KIAA1328: variants seen among roughly 807,000 people sequenced by gnomAD.
KIAA1328 encodes KIAA1328.
Under a neutral mutation model 68.1 loss-of-function variants are expected in KIAA1328, and 52 were observed. The observed-to-expected ratio is 0.76, with a 90% CI of 0.61 to 0.96. KIAA1328 has a LOEUF of 0.96. KIAA1328 is among the 40% of genes least tolerant of loss of function. KIAA1328 has a pLI of 0.00. For synonymous variants in KIAA1328, 232 were observed against 239.4 expected (o/e 0.97, Z 0.28); for missense variants, 641 against 677.6 (o/e 0.95, Z 0.60).
intron 6 of KIAA1328, among the ~76,000 whole-genome samples, chr18:37,056,451 T>C (rs2151688338): frequency 6.6e-6 from 1 of 152,270 alleles, no homozygotes; most frequent in East Asian, 1.9e-4. Context: ...GTCATTAGTT[T>C]CTTTTATCTA....
At chr18:37,137,921 C>T (rs191361298) in intron 7 of KIAA1328, among the ~76,000 whole-genome samples, 6 of 152,242 alleles carry the variant, frequency 3.9e-5, no homozygotes, top group East Asian at 3.9e-4. Context: ...GTGATTTACA[C>T]ATCCCTCAAA....
chr18:37,154,937 T>C (rs544285376), intron 7 of KIAA1328, among the ~76,000 whole-genome samples: 3 of 152,306 alleles, frequency 2.0e-5, no homozygotes, highest in Admixed American at 2.0e-4. Context: ...TACATTAATA[T>C]ATTTATTTCC....
In KIAA1328 at chr18:37,121,251, G is replaced by A. The variant is rs147234971; in HGVS notation, c.1233-38949G>A. 4.9e-4 allele frequency among the ~76,000 whole-genome samples: 74 copies of A among 152,182 alleles called. 1 individual carries two copies. The East Asian group carries it at 0.014, about 28-fold the overall frequency. On this transcript the variant is annotated intron_variant, in intron 7 of 9. Coordinates refer to ENST00000280020, the MANE Select transcript of KIAA1328 (RefSeq NM_020776.3). ...ATATATCCAACCATTTGAAAAACAC[G>A]AAAACGGCAAAGAAAATTTCTAAGT...
At chr18:37,040,031 C>T (rs183953390) in intron 6 of KIAA1328, among the ~76,000 whole-genome samples, 11 of 152,294 alleles carry the variant, frequency 7.2e-5, no homozygotes, top group Admixed American at 7.2e-4. Flanking sequence ...CATTTCTCTA[C>T]ACCTGGCCCC....
intron 4 of KIAA1328, among the ~76,000 whole-genome samples, chr18:36,855,802 TTA>T (rs1216200944): frequency 6.6e-6 from 1 of 151,852 alleles, no homozygotes; most frequent in Non-Finnish European, 1.5e-5. Flanking sequence ...TATTTAACTA[TTA>T]TATTTTAACT....
intron 6 of KIAA1328, among the ~76,000 whole-genome samples, chr18:36,982,155 A>T (rs986860416): frequency 1.4e-5 from 2 of 141,288 alleles, no homozygotes; most frequent in African/African-American, 2.6e-5. Flanking sequence ...AAATATATAT[A>T]ATATATATAT....
intron 1 of KIAA1328, chr18:36,829,412 C>T (rs773618841): frequency 7.5e-7 from 1 of 1,339,988 alleles, no homozygotes; most frequent in Non-Finnish European, 9.5e-7. Context: ...GGGGACACGG[C>T]TCAGATGCTT....
chr18:37,230,539 A>C (rs1052785420), downstream of KIAA1328: 1 of 152,198 alleles, frequency 6.6e-6, no homozygotes, highest in Non-Finnish European at 1.5e-5. Context: ...AAAAGATATC[A>C]GTCTTATTCA....
chr18:36,844,449 G>A (rs973811297), intron 4 of KIAA1328, 147 bp downstream of exon 4: 60 of 484,356 alleles, frequency 1.2e-4, no homozygotes, highest in Non-Finnish European at 1.3e-4. Flanking sequence ...TGTGATGTCA[G>A]AATCCTCTCA....
In KIAA1328 at chr18:37,222,082, G is replaced by A. The variant is rs200541716; in HGVS notation, c.1589G>A (p.Arg530His). ...LSPNSAPKPQRYPSREAGAWN... is the reference protein window; with the variant it reads ...LSPNSAPKPQHYPSREAGAWN... ...CCAAACTCTGCGCCCAAACCTCAGCGCTATCCCTCCAGAGAAGCTGGGGCC... is the reference window on the plus strand; with the variant it reads ...CCAAACTCTGCGCCCAAACCTCAGCACTATCCCTCCAGAGAAGCTGGGGCC... Residue 530 changes from arginine (R) to histidine (H), a missense_variant, in exon 10 of 10, where the codon CGC becomes CAC. Arg to His is a conservative substitution (Grantham distance 29, BLOSUM62 0). Coordinates refer to ENST00000280020, the MANE Select transcript of KIAA1328 (RefSeq NM_020776.3). 164 of 1,613,672 alleles carry A rather than the reference G, an allele frequency of 1.0e-4. 1 individual carries two copies. In the South Asian group the frequency reaches 1.4e-3, roughly 13 times the overall value.
In KIAA1328 at chr18:37,214,417, C is replaced by G. The variant is rs1450662204; in HGVS notation, c.1524-7600C>G. ...TTTATTAAATAGGGAATCCTTTCCC[C>G]ATTTCTTGTTTTTGTCAGGTTTGTC... On this transcript the variant is annotated intron_variant, in intron 9 of 9. Transcript: ENST00000280020. 3.3e-5 allele frequency among the ~76,000 whole-genome samples: 5 copies of G among 152,160 alleles called. No homozygotes were observed. In the East Asian group the frequency reaches 9.6e-4, roughly 29 times the overall value.
intron 6 of KIAA1328, among the ~76,000 whole-genome samples, chr18:37,002,487 G>A (rs2053627027): frequency 6.6e-6 from 1 of 151,344 alleles, no homozygotes; most frequent in South Asian, 2.1e-4. Flanking sequence ...CCAAAGTTTT[G>A]GGAATATAGA....
At chr18:37,026,256 G>A (rs2054574545) in intron 6 of KIAA1328, among the ~76,000 whole-genome samples, 2 of 152,054 alleles carry the variant, frequency 1.3e-5, no homozygotes, top group Admixed American at 6.6e-5. Flanking sequence ...AAAAAGTCCA[G>A]GACCAGATGG....
intron 7 of KIAA1328, among the ~76,000 whole-genome samples, chr18:37,114,560 A>T (rs1264334218): frequency 6.6e-6 from 1 of 152,240 alleles, no homozygotes; most frequent in African/African-American, 2.4e-5. Context: ...GAAAGCAGGA[A>T]AGATCTAAAA....
intron 6 of KIAA1328, among the ~76,000 whole-genome samples, chr18:37,028,337 G>GCCA (rs1453277730): frequency 6.6e-6 from 1 of 151,990 alleles, no homozygotes; most frequent in Non-Finnish European, 1.5e-5. Context: ...CCTCAGCTTG[G>GCCA]ATGTTGTTGG....
chr18:37,180,789 C>T (rs940044806), intron 9 of KIAA1328, among the ~76,000 whole-genome samples: 2 of 152,020 alleles, frequency 1.3e-5, no homozygotes, highest in Non-Finnish European at 2.9e-5. Context: ...GATCACAAAC[C>T]TCTGCTGGGG....
At chr18:37,135,994 T>C (rs1206857539) in intron 7 of KIAA1328, among the ~76,000 whole-genome samples, 1 of 152,178 alleles carries the variant, frequency 6.6e-6, no homozygotes, top group African/African-American at 2.4e-5. Flanking sequence ...GGTTTTCTAT[T>C]TTTTCCATTG....
At chr18:36,895,846 A>G in intron 5 of KIAA1328, 2 of 453,900 alleles carry the variant, frequency 4.4e-6, no homozygotes, top group Non-Finnish European at 4.4e-6. Context: ...GAGCAGAGAG[A>G]TCTCTCTGTC....
At chr18:37,112,387 G>A (rs550761020) in intron 7 of KIAA1328, among the ~76,000 whole-genome samples, 6 of 152,296 alleles carry the variant, frequency 3.9e-5, no homozygotes, top group Non-Finnish European at 8.8e-5. Context: ...TGCAGCCTCC[G>A]CTGGTGATAC....
Sources: gnomAD v4.1 joint callset for allele counts (sites outside exome capture counted in the v4.1 genomes callset) on GRCh38, gnomAD v4.1.1 for gene constraint, MANE v1.5 for transcripts, NCBI Gene and HGNC (gene_info 2026-07-23, HGNC 2026-07-21) for gene names.